The following CCDC88C variants were observed in gnomAD, a reference collection of about 807,000 sequenced individuals.
The protein encoded by CCDC88C is protein Daple.
CCDC88C carries 131 observed loss-of-function variants against 198.8 expected under a neutral mutation model. The ratio of observed to expected loss-of-function variants is 0.66; its 90% CI spans 0.57 to 0.76. The LOEUF (loss-of-function observed/expected upper bound fraction) is 0.76. Among genes scored for constraint, CCDC88C ranks in the 30% least tolerant of loss-of-function variants. The pLI, the probability that CCDC88C is intolerant of heterozygous loss-of-function variation, is 0.00. For synonymous variants in CCDC88C, 1,166 were observed against 1,114.7 expected (o/e 1.05, Z -0.92); for missense variants, 2,553 against 2,631.6 (o/e 0.97, Z 0.65).
chr14:91,288,650 T>TC lies in CCDC88C; in HGVS notation c.4441+454dup, dbSNP rs200987361. On this transcript the variant is annotated intron_variant, in intron 25 of 29. Coordinates refer to ENST00000389857, the MANE Select transcript of CCDC88C (RefSeq NM_001080414.4). The surrounding 1 kb of genome is among the most constrained non-coding windows in gnomAD (Gnocchi z 4.2). The stretch of plus-strand genomic sequence containing the variant: ...TGGGCGTGGCAGCTCACGCCTGTAA[T>TC]CCAACAGTTTGGGAGGCTGAGGCGG... 0.015 allele frequency: 2,329 copies of TC among 156,776 alleles called. 35 individuals are homozygous for TC. Among genetic ancestry groups the TC allele is most frequent in the Middle Eastern group, 0.026 (8 of 302 alleles). 9.7% of individuals were successfully genotyped at this position (156,776 alleles called of 1,614,324 possible).
rs1350011663 is a variant in CCDC88C, at chr14:91,417,685, G to C, written c.6C>G (p.Asp2Glu). 1.3e-6 allele frequency: 2 copies of C among 1,562,876 alleles called. No homozygotes were observed. Among genetic ancestry groups the C allele is most frequent in the Non-Finnish European group, 1.7e-6 (2 of 1,158,968 alleles). Residue 2 changes from aspartate (D) to glutamate (E), a missense_variant, in exon 1 of 30, where the codon GAC becomes GAG. Transcript: ENST00000389857. ...GCTCCAGGAGCTCCGAGACTGTCAC[G>C]TCCATGCTGAGGCTGCGCCCGCCGG... M[D>E]VTVSELLELF...
chr14:91,375,456 G>A (rs1402797008), intron 3 of CCDC88C, among the ~76,000 whole-genome samples: 1 of 152,112 alleles, frequency 6.6e-6, no homozygotes, highest in East Asian at 1.9e-4. Context: ...CTTTAAGTAG[G>A]GAAGCTTTTC....
chr14:91,355,956 G>A (rs1488413913), intron 4 of CCDC88C, among the ~76,000 whole-genome samples: 4 of 152,108 alleles, frequency 2.6e-5, no homozygotes, highest in Admixed American at 1.3e-4. Flanking sequence ...ACTATAAAAC[G>A]TTATAAATAA....
intron 17 of CCDC88C, 64 bp downstream of exon 17, chr14:91,308,286 AG>A (rs1891646389): frequency 1.9e-6 from 3 of 1,589,324 alleles, no homozygotes; most frequent in Admixed American, 1.7e-5. Context: ...TATACAGGTG[AG>A]GGGCTGGAAA....
At chr14:91,324,541 C>T (rs761949119) in intron 12 of CCDC88C, among the ~76,000 whole-genome samples, 3 of 152,220 alleles carry the variant, frequency 2.0e-5, no homozygotes, top group Non-Finnish European at 2.9e-5. Context: ...TATGGGAATT[C>T]GGAAAACTGG....
chr14:91,324,186 C>T (rs916237560), intron 12 of CCDC88C, among the ~76,000 whole-genome samples: 1 of 152,238 alleles, frequency 6.6e-6, no homozygotes, highest in African/African-American at 2.4e-5. Context: ...GCCCACGCTT[C>T]CCATGACCGA....
intron 3 of CCDC88C, chr14:91,379,886 C>T (rs562055616): frequency 2.8e-6 from 2 of 703,064 alleles, no homozygotes; most frequent in South Asian, 3.0e-5. Flanking sequence ...AGGGTCTATC[C>T]TGAAAACAGG....
Position 91,313,456 on chromosome 14 carries a change from C to T in CCDC88C, c.2360G>A (p.Ser787Asn). 1 of 1,607,794 alleles carries T rather than the reference C, an allele frequency of 6.2e-7. No individual in the cohort carries two copies. The highest frequency in any genetic ancestry group is 8.5e-7 in the Non-Finnish European group (1 of 1,179,606). Residue 787 changes from serine to asparagine, a missense_variant, in exon 15 of 30, where the codon AGT becomes AAT. This residue lies in a region of CCDC88C where 1,260 missense variants were observed against 1,412.0 expected (regional missense o/e 0.89). Coordinates refer to ENST00000389857, the MANE Select transcript of CCDC88C (RefSeq NM_001080414.4). This position sits in a 1 kb window ranked among gnomAD's most constrained non-coding sequence, Gnocchi z 5.2. The part of the protein sequence containing the change: ...SSSHKTQTLE[S>N]ELGELEAERQ... ...CTCAGCCTCCAGCTCGCCCAGCTCA[C>T]TCTCCAAGGTCTGCGTCTTGTGGCT...
At chr14:91,384,006 A>G (rs1220297131) in intron 3 of CCDC88C, among the ~76,000 whole-genome samples, 3 of 152,228 alleles carry the variant, frequency 2.0e-5, no homozygotes, top group African/African-American at 7.2e-5. Flanking sequence ...ACACCTGGGT[A>G]CCACGGCACA....
At chr14:91,291,179 G>T in intron 23 of CCDC88C, 95 bp from the exon 24 acceptor site, 2 of 721,380 alleles carry the variant, frequency 2.8e-6, no homozygotes, top group Non-Finnish European at 4.8e-6. Flanking sequence ...GTGTACCCGG[G>T]GCTGGTATTT....
At chr14:91,396,409 C>T (rs1461744115) in intron 3 of CCDC88C, among the ~76,000 whole-genome samples, 1 of 152,194 alleles carries the variant, frequency 6.6e-6, no homozygotes, top group Non-Finnish European at 1.5e-5. Flanking sequence ...CACTTCCTCC[C>T]ACTTTGGCGT....
At chr14:91,328,539 C>T (rs1474152713) in intron 10 of CCDC88C, among the ~76,000 whole-genome samples, 2 of 152,176 alleles carry the variant, frequency 1.3e-5, no homozygotes, top group Admixed American at 1.3e-4. Flanking sequence ...GAGGGGACCA[C>T]ACTCATGAAG....
intron 12 of CCDC88C, among the ~76,000 whole-genome samples, chr14:91,322,232 G>A (rs941363807): frequency 1.3e-5 from 2 of 152,160 alleles, no homozygotes; most frequent in Non-Finnish European, 2.9e-5. Context: ...GTGGGTACAG[G>A]GGGGTGATGG....
intron 18 of CCDC88C, 55 bp downstream of exon 18, chr14:91,306,983 A>G: frequency 6.7e-7 from 1 of 1,488,706 alleles, no homozygotes; most frequent in South Asian, 1.3e-5. Context: ...ACTACTGATA[A>G]GGCAGTCTCT....
intron 10 of CCDC88C, among the ~76,000 whole-genome samples, chr14:91,337,546 GC>G (rs1183570989): frequency 1.3e-5 from 2 of 152,178 alleles, no homozygotes; most frequent in Admixed American, 6.5e-5. Context: ...TTGCTATGTT[GC>G]CCAGGCTGAT....
rs1338881253 is a variant in CCDC88C at position 91,326,071 on chromosome 14, C to T, written c.1051-15G>A. ...TCTCTCAGCTCCTGGTTAGCAAAAA[C>T]ATACATGAGAACCATCAGATAAAGG... is the stretch of plus-strand genomic sequence containing the variant. On this transcript the variant is annotated splice_polypyrimidine_tract_variant and intron_variant, in intron 10 of 29. Transcript: ENST00000389857. 1.9e-6 allele frequency: 3 copies of T among 1,605,504 alleles called. No homozygotes were observed. The highest frequency in any genetic ancestry group is 2.6e-6 in the Non-Finnish European group (3 of 1,176,168).
chr14:91,351,420 G>A (rs906138143), intron 4 of CCDC88C, among the ~76,000 whole-genome samples: 1 of 152,162 alleles, frequency 6.6e-6, no homozygotes, highest in Non-Finnish European at 1.5e-5. Context: ...AGCTTACAAC[G>A]AGAAGAGCTG....
intron 3 of CCDC88C, among the ~76,000 whole-genome samples, chr14:91,380,064 G>A (rs747273467): frequency 2.6e-5 from 4 of 152,000 alleles, no homozygotes; most frequent in Non-Finnish European, 4.4e-5. Flanking sequence ...GCCAGCTTCC[G>A]GAGCAGGGTC....
chr14:91,285,309 C>T (rs1890355053), intron 25 of CCDC88C: 3 of 366,872 alleles, frequency 8.2e-6, no homozygotes, highest in East Asian at 7.6e-5. Flanking sequence ...AGTGCAGCAA[C>T]CACCCGCCAG....
Sources: gnomAD v4.1 joint callset for allele counts (sites outside exome capture counted in the v4.1 genomes callset) on GRCh38, gnomAD v4.1.1 for gene constraint, gnomAD v4.1.1 regional missense constraint, Gnocchi (gnomAD v3.1) non-coding constraint, MANE v1.5 for transcripts, NCBI Gene and HGNC (gene_info 2026-07-23, HGNC 2026-07-21) for gene names.